CAST: variants seen among roughly 807,000 people sequenced by gnomAD.
CAST encodes MIR583 host.
CAST carries 76 observed loss-of-function variants against 119.6 expected under a neutral mutation model. That is an observed-to-expected ratio of 0.64 (90% CI 0.53 to 0.77). The LOEUF is 0.77. Among genes scored for constraint, CAST ranks in the 30% least tolerant of loss-of-function variants. CAST has a pLI of 0.00. For missense variants in CAST, 953 were observed against 946.5 expected (o/e 1.01, Z -0.09); for synonymous variants, 319 against 331.6 (o/e 0.96, Z 0.41).
chr5:96,635,085 C>T (rs1409961831), intron 1 of CAST, among the ~76,000 whole-genome samples: 1 of 152,146 alleles, frequency 6.6e-6, no homozygotes, highest in Non-Finnish European at 1.5e-5. Flanking sequence ...TAGAACATGA[C>T]ACAGTAGGTG....
At chr5:96,238,505 A>G in the CAST span, among the ~76,000 whole-genome samples, 1 of 151,032 alleles carries the variant, frequency 6.6e-6, no homozygotes, top group African/African-American at 2.4e-5. Context: ...CTCCTGCCTC[A>G]GCCTCCTGAG....
At chr5:96,657,589 A>G (rs1353072494), upstream of CAST, among the ~76,000 whole-genome samples, 1 of 152,246 alleles carries the variant, frequency 6.6e-6, no homozygotes, top group Non-Finnish European at 1.5e-5. Flanking sequence ...TATATTCCAG[A>G]CAGAAATAGC....
chr5:96,621,959 C>G (rs1156710690), intron 1 of CAST, among the ~76,000 whole-genome samples: 3 of 130,390 alleles, frequency 2.3e-5, no homozygotes, highest in Non-Finnish European at 4.8e-5. Context: ...CTTTTTTTTT[C>G]TTTTTTTCTC....
chr5:96,216,807 C>T, the CAST span, among the ~76,000 whole-genome samples: 20 of 152,194 alleles, frequency 1.3e-4, no homozygotes, highest in East Asian at 3.9e-3. Context: ...AAAATGTTTG[C>T]CAAGTACCTA....
chr5:96,234,155 C>T, the CAST span, among the ~76,000 whole-genome samples: 2 of 152,100 alleles, frequency 1.3e-5, no homozygotes, highest in Non-Finnish European at 2.9e-5. Context: ...CTAACTGTAG[C>T]CTGCATCAAT....
At chr5:96,480,634 A>G in the CAST span, among the ~76,000 whole-genome samples, 2 of 152,212 alleles carry the variant, frequency 1.3e-5, no homozygotes, top group African/African-American at 2.4e-5. Flanking sequence ...CAAGAATTAC[A>G]TGTAAGAAAC....
the CAST span, among the ~76,000 whole-genome samples, chr5:96,102,533 A>G: frequency 6.6e-6 from 1 of 152,190 alleles, no homozygotes. Flanking sequence ...AAATAGGGAT[A>G]GAAATTCTCA....
At chr5:96,383,213 G>A in the CAST span, among the ~76,000 whole-genome samples, 1 of 151,654 alleles carries the variant, frequency 6.6e-6, no homozygotes, top group Non-Finnish European at 1.5e-5. Flanking sequence ...TATAAACTAA[G>A]CTCTGAAGGG....
the CAST span, among the ~76,000 whole-genome samples, chr5:96,322,644 T>C: frequency 3.3e-5 from 5 of 152,220 alleles, no homozygotes; most frequent in South Asian, 1.0e-3. Flanking sequence ...TGCAGGAGCT[T>C]CTGGCCCAGA....
At chr5:96,032,482 A>C in the CAST span, among the ~76,000 whole-genome samples, 1 of 152,148 alleles carries the variant, frequency 6.6e-6, no homozygotes, top group African/African-American at 2.4e-5. Context: ...GAATTAATAC[A>C]CACCTATCTA....
At chr5:96,502,845 A>AT in the CAST span, among the ~76,000 whole-genome samples, 1 of 152,160 alleles carries the variant, frequency 6.6e-6, no homozygotes, top group East Asian at 1.9e-4. Flanking sequence ...AAATATCCAC[A>AT]TGGCACTCTA....
At chr5:96,672,306 C>T (rs910071896) in intron 1 of CAST, among the ~76,000 whole-genome samples, 2 of 152,008 alleles carry the variant, frequency 1.3e-5, no homozygotes, top group Admixed American at 1.3e-4. Flanking sequence ...AATATGGCAA[C>T]AATGTTAATA....
chr5:96,185,647 T>C, the CAST span, among the ~76,000 whole-genome samples: 26 of 152,232 alleles, frequency 1.7e-4, 2 homozygotes, highest in Admixed American at 1.6e-3. Context: ...TTGTTAAACA[T>C]CACATGGTTG....
At chr5:96,006,051 G>A in the CAST span, among the ~76,000 whole-genome samples, 18 of 152,054 alleles carry the variant, frequency 1.2e-4, no homozygotes, top group Non-Finnish European at 2.1e-4. Flanking sequence ...CCAAAAATAC[G>A]ATTTTTAAAA....
chr5:96,141,811 A>G, the CAST span, among the ~76,000 whole-genome samples: 11 of 152,180 alleles, frequency 7.2e-5, no homozygotes, highest in African/African-American at 2.7e-4. Flanking sequence ...CCTACGACCA[A>G]TGGGCACATG....
the CAST span, among the ~76,000 whole-genome samples, chr5:96,110,683 C>G: frequency 6.6e-6 from 1 of 152,130 alleles, no homozygotes. Flanking sequence ...CATACAATTA[C>G]AGAATGGGGA....
chr5:96,573,581 A>G (rs1746610335), intron 1 of CAST, among the ~76,000 whole-genome samples: 1 of 152,160 alleles, frequency 6.6e-6, no homozygotes, highest in Non-Finnish European at 1.5e-5. Flanking sequence ...TCAAGGCTGC[A>G]GTGAGCTATG....
At chr5:96,657,525 G>C (rs565616309), upstream of CAST, among the ~76,000 whole-genome samples, 2 of 152,114 alleles carry the variant, frequency 1.3e-5, no homozygotes, top group African/African-American at 4.8e-5. Flanking sequence ...AATATGACAA[G>C]AATATGATAA....
intron 1 of CAST, among the ~76,000 whole-genome samples, chr5:96,576,043 T>C (rs1044575357): frequency 1.3e-5 from 2 of 152,248 alleles, no homozygotes; most frequent in African/African-American, 2.4e-5. Context: ...GAACCAGCCT[T>C]GCATACCCAG....
Sources: allele counts gnomAD v4.1 joint callset (sites outside exome capture counted in the v4.1 genomes callset), GRCh38; gene constraint gnomAD v4.1.1; transcripts MANE v1.5; gene names NCBI Gene and HGNC (gene_info 2026-07-23, HGNC 2026-07-21).